PTPRJ: variants seen among roughly 807,000 people sequenced by gnomAD.
PTPRJ encodes receptor-type tyrosine-protein phosphatase eta.
PTPRJ carries 129 observed loss-of-function variants against 141.3 expected under a neutral mutation model. The observed-to-expected ratio is 0.91, with a 90% confidence interval of 0.79 to 1.06. The LOEUF is 1.06. PTPRJ is among the 50% of genes least tolerant of loss of function. PTPRJ has a pLI of 0.00. For missense variants in PTPRJ, 1,601 were observed against 1,679.7 expected, an observed-to-expected ratio of 0.95 and a Z score of 0.82; for synonymous variants, 610 against 640.5, an observed-to-expected ratio of 0.95 and a Z score of 0.72.
intron 1 of PTPRJ, among the ~76,000 whole-genome samples, chr11:48,097,116 A>G (rs1327803687): frequency 6.6e-6 from 1 of 152,178 alleles, no homozygotes; most frequent in Non-Finnish European, 1.5e-5. Flanking sequence ...CGGTCCACAG[A>G]CATTCCAGCA....
chr11:48,093,071 G>T (rs569987580), intron 1 of PTPRJ, among the ~76,000 whole-genome samples: 1 of 152,066 alleles, frequency 6.6e-6, no homozygotes, highest in Admixed American at 6.6e-5. Flanking sequence ...TGTATTCCTG[G>T]TATAAATCAA....
intron 1 of PTPRJ, among the ~76,000 whole-genome samples, chr11:48,042,441 C>T (rs926476238): frequency 4.6e-5 from 7 of 152,088 alleles, no homozygotes; most frequent in Non-Finnish European, 2.9e-5. Flanking sequence ...TTCTGGTGCT[C>T]CTGTGTGACA....
rs17198964 is a variant in PTPRJ at position 48,149,734 on chromosome 11, C to T, written c.3041+246C>T. 2.4e-4 allele frequency: 129 copies of T among 537,152 alleles called. 1 individual carries two copies. In the East Asian group the frequency reaches 2.9e-3, roughly 12 times the overall value. 33.3% of individuals were successfully genotyped at this position (537,152 alleles called of 1,614,324 possible). Reference sequence around the variant, plus strand: ...AATACGGATTTCTTGATTAAAAAAACGTCAAATAGGTTATCAAGATCCAGG... The same window carrying T: ...AATACGGATTTCTTGATTAAAAAAATGTCAAATAGGTTATCAAGATCCAGG... On this transcript the variant is annotated intron_variant, in intron 16 of 24. Transcript: ENST00000418331.
At chr11:48,134,890 T>C (rs963176169) in intron 8 of PTPRJ, among the ~76,000 whole-genome samples, 14 of 152,124 alleles carry the variant, frequency 9.2e-5, no homozygotes, top group Admixed American at 6.5e-4. Context: ...TCCTCATCCG[T>C]CCTCAAATGC....
intron 1 of PTPRJ, among the ~76,000 whole-genome samples, chr11:48,081,235 G>A (rs1388257449): frequency 2.6e-5 from 4 of 152,192 alleles, no homozygotes; most frequent in Non-Finnish European, 4.4e-5. Flanking sequence ...GTGCCGAGCC[G>A]CCAAGTGCCC....
chr11:48,044,274 T>C (rs1404518652), intron 1 of PTPRJ, among the ~76,000 whole-genome samples: 1 of 152,128 alleles, frequency 6.6e-6, no homozygotes, highest in Non-Finnish European at 1.5e-5. Flanking sequence ...GGACATAGAG[T>C]TGACTGCCTC....
At chr11:48,125,243 C>T in intron 6 of PTPRJ, 57 bp downstream of exon 6, 1 of 1,558,916 alleles carries the variant, frequency 6.4e-7, no homozygotes, top group Admixed American at 1.7e-5. Context: ...AATGTTCTGT[C>T]TCCTGTGATT....
At chr11:48,063,918 A>ATGTGTG (rs113736420) in intron 1 of PTPRJ, among the ~76,000 whole-genome samples, 3,150 of 147,556 alleles carry the variant, frequency 0.021, 51 homozygotes, top group Non-Finnish European at 0.027. Context: ...TTCTCAGCTT[A>ATGTGTG]TGTGTGTGTG....
At chr11:48,081,244 C>T (rs1855550342) in intron 1 of PTPRJ, among the ~76,000 whole-genome samples, 1 of 152,208 alleles carries the variant, frequency 6.6e-6, no homozygotes, top group Admixed American at 6.5e-5. Flanking sequence ...CGCCAAGTGC[C>T]CCCTCCTGCC....
rs1164692456 is a variant in PTPRJ at position 48,126,064 on chromosome 11, T to C, written c.1093+878T>C. 2.0e-5 allele frequency among the ~76,000 whole-genome samples: 3 copies of C among 151,978 alleles called. No homozygotes were observed. The East Asian group carries it at 5.8e-4, about 29-fold the overall frequency. On this transcript the variant is annotated intron_variant, in intron 6 of 24. Transcript: ENST00000418331. Reference sequence around the variant, plus strand: ...GGAAGGGGCTCCTATGTGGGTGCGGTTGGCAGTGGTGGGGTGTCCTGCACA... The same window carrying C: ...GGAAGGGGCTCCTATGTGGGTGCGGCTGGCAGTGGTGGGGTGTCCTGCACA...
In PTPRJ at chr11:48,035,527, T is replaced by G. The variant is rs192456123; in HGVS notation, c.96+54519T>G. 2.0e-4 allele frequency among the ~76,000 whole-genome samples: 29 copies of G among 145,260 alleles called. No individual in the cohort carries two copies. In the Admixed American group the frequency reaches 2.1e-3, roughly 10 times the overall value. The stretch of plus-strand genomic sequence containing the variant: ...ATTGTGGTTTCTTTCTTTTCTTTTT[T>G]CTTTCTTCTTCTTTTTTTTTTTTTT... On this transcript the variant is annotated intron_variant, in intron 1 of 24. Coordinates refer to ENST00000418331, the MANE Select transcript of PTPRJ (RefSeq NM_002843.4).
chr11:48,125,176 G>A lies in PTPRJ; in HGVS notation c.1083G>A (p.Glu361=). The part of the protein sequence containing the change: ...NGTEGQPQAI[E]FRTNAIQVFD... The stretch of plus-strand genomic sequence containing the variant: ...CAGAAGGACAGCCCCAGGCCATAGA[G>A]TTCAGGACAAGTAGGTTGAACTTTG... The change falls in exon 6 of 25, where the codon GAG becomes GAA. Residue 361 remains glutamate (E), a synonymous_variant. Transcript: ENST00000418331. The A allele has an allele frequency of 1.9e-6, 3 of 1,614,130 alleles. No individual in the cohort carries two copies. The highest frequency in any genetic ancestry group is 2.5e-6 in the Non-Finnish European group (3 of 1,180,012).
At chr11:48,124,142 TTCTA>T (rs1856779723) in intron 5 of PTPRJ, among the ~76,000 whole-genome samples, 2 of 152,176 alleles carry the variant, frequency 1.3e-5, no homozygotes, top group African/African-American at 4.8e-5. Flanking sequence ...CCCTTTAGCT[TTCTA>T]TCTAACAGCT....
At chr11:48,014,896 G>A (rs917642160) in intron 1 of PTPRJ, among the ~76,000 whole-genome samples, 41 of 152,032 alleles carry the variant, frequency 2.7e-4, no homozygotes, top group African/African-American at 9.2e-4. Flanking sequence ...AGTACAAATG[G>A]GGTTTCACCA....
chr11:48,030,800 GCT>G (rs148856109), intron 1 of PTPRJ, among the ~76,000 whole-genome samples: 2,245 of 152,222 alleles, frequency 0.015, 57 homozygotes, highest in African/African-American at 0.052. Flanking sequence ...TGCTGCATCA[GCT>G]CTCTCTGAGC....
At chr11:48,071,664 A>G (rs945743982) in intron 1 of PTPRJ, among the ~76,000 whole-genome samples, 5 of 123,514 alleles carry the variant, frequency 4.0e-5, no homozygotes, top group African/African-American at 1.5e-4. Flanking sequence ...GCTGGAGTGC[A>G]GTGGCGCCAT....
chr11:48,004,790 T>G (rs1854581588), intron 1 of PTPRJ, among the ~76,000 whole-genome samples: 1 of 152,198 alleles, frequency 6.6e-6, no homozygotes, highest in Non-Finnish European at 1.5e-5. Context: ...TTGTAGAGAA[T>G]GAGGTATCAT....
At position 48,158,487 on chromosome 11, in the gene PTPRJ, G is replaced by A. The variant is rs1290772079; in HGVS notation, c.3439-1443G>A. Among the ~76,000 whole-genome samples, 1 of 152,132 alleles carries A rather than the reference G, an allele frequency of 6.6e-6. No homozygotes were observed. Among genetic ancestry groups the A allele is most frequent in the African/African-American group, 2.4e-5 (1 of 41,432 alleles). ...TGAGGCTTGGGGAGTTTAAGAACTTGCCCACAAGGTAGGAACAAAAATATA... is the reference window on the plus strand; with the variant it reads ...TGAGGCTTGGGGAGTTTAAGAACTTACCCACAAGGTAGGAACAAAAATATA... On this transcript the variant is annotated intron_variant, in intron 21 of 24. Coordinates refer to ENST00000418331, the MANE Select transcript of PTPRJ (RefSeq NM_002843.4). This position sits in a 1 kb window ranked among gnomAD's most constrained non-coding sequence, Gnocchi z 4.4.
At chr11:48,083,210 G>A (rs1050546929) in intron 1 of PTPRJ, among the ~76,000 whole-genome samples, 5 of 152,218 alleles carry the variant, frequency 3.3e-5, no homozygotes, top group Non-Finnish European at 2.9e-5. Context: ...TGGATCACCT[G>A]AGATCAGGAG....
Sources: allele counts gnomAD v4.1 joint callset (sites outside exome capture counted in the v4.1 genomes callset), GRCh38; gene constraint gnomAD v4.1.1; non-coding constraint Gnocchi (gnomAD v3.1); transcripts MANE v1.5; gene names NCBI Gene and HGNC (gene_info 2026-07-23, HGNC 2026-07-21).